Variants in SUMF1 observed in about 807,000 individuals in gnomAD.
The protein encoded by SUMF1 is sulfatase modifying factor 1, also known as formylglycine-generating enzyme.
In SUMF1, 48 loss-of-function variants were observed where a neutral mutation model predicts 47.6. That is an observed-to-expected ratio of 1.01 (90% CI 0.80 to 1.28). The LOEUF (loss-of-function observed/expected upper bound fraction) is 1.28. Ranked by LOEUF, SUMF1 falls within the 50% of genes most tolerant of loss-of-function variation. The pLI is 0.00. For missense variants in SUMF1, 571 were observed against 485.4 expected, an observed-to-expected ratio of 1.18 and a Z score of -1.66; for synonymous variants, 230 against 192.1, an observed-to-expected ratio of 1.20 and a Z score of -1.63.
At chr3:4,234,374 A>G (rs1320229766) in intron 8 of SUMF1, among the ~76,000 whole-genome samples, 1 of 152,100 alleles carries the variant, frequency 6.6e-6, no homozygotes, top group African/African-American at 2.4e-5. Context: ...GCAATTGGAA[A>G]CTTTACCTTC....
At chr3:4,318,466 T>C (rs1698743063) in intron 8 of SUMF1, among the ~76,000 whole-genome samples, 1 of 152,214 alleles carries the variant, frequency 6.6e-6, no homozygotes, top group Non-Finnish European at 1.5e-5. Context: ...AGGATATCTA[T>C]GAAGACCCAC....
In SUMF1 at chr3:4,413,864, A is replaced by C. The variant is rs1035722611; in HGVS notation, c.841-2886T>G. On this transcript the variant is annotated intron_variant, in intron 6 of 8. Transcript: ENST00000272902. ...AACACAATGAGACCTCACCTCCACA[A>C]AAAAAAAATTTTTTTTTAAGATAGA... 3.3e-5 allele frequency among the ~76,000 whole-genome samples: 5 copies of C among 151,418 alleles called. No individual in the cohort carries two copies. In the South Asian group the frequency reaches 6.3e-4, roughly 19 times the overall value.
intron 9 of SUMF1, among the ~76,000 whole-genome samples, chr3:4,065,395 T>C (rs914196352): frequency 1.6e-4 from 24 of 152,150 alleles, no homozygotes; most frequent in African/African-American, 5.3e-4. Flanking sequence ...GAGATTTGCA[T>C]GTAAATCTGC....
At position 4,287,951 on chromosome 3, in the gene SUMF1, G is replaced by A. The variant is rs1487649140; in HGVS notation, c.1014+88379C>T. On this transcript the variant is annotated intron_variant and NMD_transcript_variant, in intron 8 of 12. Transcript: ENST00000448413. ...ACAGATTTGGATAATTAATGCTACTGCTCTGACATCCATACTTCTCTTCTG... is the reference window on the plus strand; with the variant it reads ...ACAGATTTGGATAATTAATGCTACTACTCTGACATCCATACTTCTCTTCTG... Among the ~76,000 whole-genome samples the A allele has an allele frequency of 3.3e-5, 5 of 152,168 alleles. No individual in the cohort carries two copies. In the South Asian group the frequency reaches 1.0e-3, roughly 31 times the overall value.
chr3:4,434,183 G>C (rs1255422116), intron 3 of SUMF1, among the ~76,000 whole-genome samples: 1 of 152,136 alleles, frequency 6.6e-6, no homozygotes, highest in Non-Finnish European at 1.5e-5. Context: ...AAAAGTTCTG[G>C]AAATGCATAA....
intron 8 of SUMF1, among the ~76,000 whole-genome samples, chr3:4,133,544 A>G (rs1693843293): frequency 6.6e-6 from 1 of 152,122 alleles, no homozygotes; most frequent in East Asian, 1.9e-4. Flanking sequence ...AGGCAGACCC[A>G]CCCTTAATCT....
chr3:4,338,955 G>C (rs1198961814), intron 8 of SUMF1, among the ~76,000 whole-genome samples: 2 of 152,088 alleles, frequency 1.3e-5, no homozygotes, highest in Non-Finnish European at 2.9e-5. Flanking sequence ...CCAGAGCCTC[G>C]CCAGTGCTGA....
At chr3:4,442,586 A>G (rs977451542) in intron 3 of SUMF1, among the ~76,000 whole-genome samples, 1 of 139,030 alleles carries the variant, frequency 7.2e-6, no homozygotes, top group Non-Finnish European at 1.6e-5. Context: ...CCAAGGAGAA[A>G]TCTCAAGAGA....
chr3:4,186,045 G>A (rs1695194419), intron 8 of SUMF1, among the ~76,000 whole-genome samples: 2 of 152,104 alleles, frequency 1.3e-5, no homozygotes, highest in African/African-American at 2.4e-5. Flanking sequence ...TCTTCAAGAT[G>A]ACCAATTGTG....
intron 8 of SUMF1, among the ~76,000 whole-genome samples, chr3:4,260,460 A>G (rs1041486730): frequency 1.3e-5 from 2 of 152,220 alleles, no homozygotes; most frequent in African/African-American, 4.8e-5. Flanking sequence ...TAAAATATGT[A>G]AGCCAATCTA....
At chr3:4,324,810 G>A (rs1054515689) in intron 8 of SUMF1, among the ~76,000 whole-genome samples, 1 of 152,102 alleles carries the variant, frequency 6.6e-6, no homozygotes, top group Non-Finnish European at 1.5e-5. Flanking sequence ...TTGGCATAGT[G>A]AGTTTGGGGG....
At chr3:4,436,906 C>A (rs1218309211) in intron 3 of SUMF1, among the ~76,000 whole-genome samples, 1 of 149,610 alleles carries the variant, frequency 6.7e-6, no homozygotes, top group Non-Finnish European at 1.5e-5. Flanking sequence ...TGACTAATGA[C>A]TGACTTCTTA....
chr3:4,339,913 C>T (rs1446495958), intron 8 of SUMF1, among the ~76,000 whole-genome samples: 2 of 152,052 alleles, frequency 1.3e-5, no homozygotes, highest in Admixed American at 6.6e-5. Flanking sequence ...CCCACCTCTA[C>T]AAAAAATGCA....
intron 8 of SUMF1, among the ~76,000 whole-genome samples, chr3:4,104,388 T>C (rs961424139): frequency 2.0e-5 from 3 of 152,062 alleles, no homozygotes; most frequent in Admixed American, 2.0e-4. Context: ...GGTATATCTT[T>C]ACCAGCAGCA....
At chr3:4,252,235 T>C (rs752277878) in intron 8 of SUMF1, among the ~76,000 whole-genome samples, 2 of 152,186 alleles carry the variant, frequency 1.3e-5, no homozygotes, top group Non-Finnish European at 2.9e-5. Flanking sequence ...CCATGTCCTC[T>C]TCTCCATGAG....
chr3:4,308,195 G>C (rs2125083206), intron 8 of SUMF1, among the ~76,000 whole-genome samples: 1 of 152,302 alleles, frequency 6.6e-6, no homozygotes, highest in East Asian at 1.9e-4. Context: ...TGGAGGAAAG[G>C]TATACAGTCC....
intron 8 of SUMF1, among the ~76,000 whole-genome samples, chr3:4,291,229 A>G (rs1017166534): frequency 1.3e-5 from 2 of 152,202 alleles, no homozygotes; most frequent in African/African-American, 2.4e-5. Context: ...AAATTTTCAG[A>G]TATGTTAACA....
At chr3:4,281,478 A>G (rs1697527901) in intron 8 of SUMF1, among the ~76,000 whole-genome samples, 1 of 152,148 alleles carries the variant, frequency 6.6e-6, no homozygotes, top group Admixed American at 6.5e-5. Context: ...TGATAATTCC[A>G]TTTTTACAGG....
At chr3:4,154,844 A>G (rs1423461639) in intron 8 of SUMF1, among the ~76,000 whole-genome samples, 2 of 151,542 alleles carry the variant, frequency 1.3e-5, no homozygotes, top group Non-Finnish European at 2.9e-5. Context: ...CACTTCCAGA[A>G]TACATCAAAA....
Sources: gnomAD v4.1 joint callset for allele counts (sites outside exome capture counted in the v4.1 genomes callset) on GRCh38, gnomAD v4.1.1 for gene constraint, MANE v1.5 for transcripts, NCBI Gene and HGNC (gene_info 2026-07-23, HGNC 2026-07-21) for gene names.